The following ELFN2 variants were observed in gnomAD, a reference collection of about 807,000 sequenced individuals.
ELFN2 encodes the protein extracellular leucine rich repeat and fibronectin type III domain containing 2, also known as protein phosphatase 1 regulatory subunit 29.
Under a neutral mutation model 45.5 loss-of-function variants are expected in ELFN2, and 17 were observed. That is an observed-to-expected ratio of 0.37 (90% CI 0.26 to 0.56). ELFN2 has a LOEUF of 0.56. Ranked by LOEUF, ELFN2 falls within the 20% of genes least tolerant of loss-of-function variation. The pLI is 0.77. For synonymous variants in ELFN2, 550 were observed against 551.5 expected (o/e 1.00, Z 0.04); for missense variants, 922 against 1,183.2 (o/e 0.78, Z 3.24).
chr22:37,395,162 A>C (rs1932182717), intron 2 of ELFN2, among the ~76,000 whole-genome samples: 2 of 151,550 alleles, frequency 1.3e-5, no homozygotes, highest in Admixed American at 6.6e-5. Flanking sequence ...TTGTTGGATT[A>C]ATTTCTCAGA....
At chr22:37,385,266 C>T (rs574466331) in intron 2 of ELFN2, 2 of 152,256 alleles carry the variant, frequency 1.3e-5, no homozygotes, top group Non-Finnish European at 2.9e-5. Context: ...CTTTAAACAT[C>T]TTAAAAGCAC....
chr22:37,381,563 C>G (rs1354770684), intron 2 of ELFN2, among the ~76,000 whole-genome samples: 5 of 151,964 alleles, frequency 3.3e-5, no homozygotes, highest in African/African-American at 9.7e-5. Flanking sequence ...TCTAGCCCCC[C>G]AGTCTGAGAT....
intron 2 of ELFN2, among the ~76,000 whole-genome samples, chr22:37,407,041 C>A (rs148542205): frequency 1.4e-3 from 206 of 152,340 alleles, no homozygotes; most frequent in Non-Finnish European, 1.8e-3. Context: ...GACAGATGGA[C>A]AATTTGAAGC....
chr22:37,346,983 TA>T (rs200097258), intron 1 of ELFN2, among the ~76,000 whole-genome samples: 14 of 117,092 alleles, frequency 1.2e-4, no homozygotes, highest in African/African-American at 4.2e-4. Context: ...TCTTCATTAT[TA>T]TTTTTTTTTT....
chr22:37,419,267 A>G lies in ELFN2; in HGVS notation c.-613-1348T>C, dbSNP rs1932790745. Among the ~76,000 whole-genome samples, 3 of 151,740 alleles carry G rather than the reference A, an allele frequency of 2.0e-5. No homozygotes were observed. In the South Asian group the frequency reaches 6.2e-4, roughly 32 times the overall value. On this transcript the variant is annotated intron_variant, in intron 1 of 2. Coordinates refer to ENST00000402918, the MANE Select transcript of ELFN2 (RefSeq NM_052906.5). Reference sequence around the variant, plus strand: ...GGCTCCCAGGCCTAGCTGGGAGCACACAATTGACCCTCAGCCCCTCAGCCA... The same window carrying G: ...GGCTCCCAGGCCTAGCTGGGAGCACGCAATTGACCCTCAGCCCCTCAGCCA...
intron 1 of ELFN2, among the ~76,000 whole-genome samples, chr22:37,349,357 G>T (rs975034012): frequency 1.3e-5 from 2 of 151,160 alleles, no homozygotes; most frequent in East Asian, 1.9e-4. Flanking sequence ...CCAGCCCTGG[G>T]GATCCACGGT....
chr22:37,390,499 C>T (rs1298467365), intron 2 of ELFN2, among the ~76,000 whole-genome samples: 1 of 152,242 alleles, frequency 6.6e-6, no homozygotes, highest in African/African-American at 2.4e-5. Flanking sequence ...CCAGCGTGAG[C>T]CCCAGAGCTG....
downstream of ELFN2, among the ~76,000 whole-genome samples, chr22:37,365,053 G>A (rs1931173285): frequency 6.6e-6 from 1 of 152,208 alleles, no homozygotes; most frequent in African/African-American, 2.4e-5. Flanking sequence ...TGAGCCCAGA[G>A]GAGAGAACCA....
intron 1 of ELFN2, among the ~76,000 whole-genome samples, chr22:37,419,323 C>G (rs1932791244): frequency 6.6e-6 from 1 of 151,852 alleles, no homozygotes; most frequent in African/African-American, 2.4e-5. Flanking sequence ...CAGAGGCACA[C>G]ACTATACCCT....
At chr22:37,379,759 C>A (rs1931695600) in intron 2 of ELFN2, among the ~76,000 whole-genome samples, 1 of 152,144 alleles carries the variant, frequency 6.6e-6, no homozygotes, top group South Asian at 2.1e-4. Context: ...CTGGGCAGGA[C>A]CACAGACCCC....
At chr22:37,389,665 G>A (rs1233764686) in intron 2 of ELFN2, among the ~76,000 whole-genome samples, 1 of 152,114 alleles carries the variant, frequency 6.6e-6, no homozygotes, top group Non-Finnish European at 1.5e-5. Context: ...TGATGCACTT[G>A]AACCCGGGTC....
Position 37,374,085 on chromosome 22 carries a change from C to T in ELFN2, c.1450G>A (p.Ala484Thr), listed in dbSNP as rs140163106. ...PSMIGEKLPT[A>T]KGLEAGLDTP... Reference sequence around the variant, plus strand: ...TCCAGCCCGGCCTCCAACCCCTTGGCGGTGGGCAGCTTCTCCCCGATCATG... The same window carrying T: ...TCCAGCCCGGCCTCCAACCCCTTGGTGGTGGGCAGCTTCTCCCCGATCATG... The change falls in exon 3 of 3, where the codon GCC (alanine) becomes ACC (threonine). Residue 484 changes from alanine to threonine, a missense_variant. By Grantham distance (58) the Ala-to-Thr change is moderately conservative. This residue lies in a region of ELFN2 where 564 missense variants were observed against 642.8 expected (regional missense o/e 0.88). Coordinates refer to ENST00000402918, the MANE Select transcript of ELFN2 (RefSeq NM_052906.5). 2.9e-5 allele frequency: 46 copies of T among 1,612,964 alleles called. No homozygotes were observed. The highest frequency in any genetic ancestry group is 1.6e-4 in the Middle Eastern group (1 of 6,084).
In ELFN2 at chr22:37,373,952, T is replaced by C. The variant is rs757596776; in HGVS notation, c.1583A>G (p.Gln528Arg). Reference protein sequence around the residue: ...EDDLPDLENGQGSAAEISTIA... With the variant: ...EDDLPDLENGRGSAAEISTIA... ...GGTGGAGATCTCTGCAGCCGAGCCC[T>C]GGCCGTTCTCGAGGTCCGGGAGGTC... Residue 528 changes from glutamine (Q) to arginine (R), a missense_variant, in exon 3 of 3, where the codon CAG (glutamine) becomes CGG (arginine). Gln to Arg is a conservative substitution (Grantham distance 43, BLOSUM62 1). Around this residue, in one of 2 missense-constraint regions of ELFN2, gnomAD observed 564 missense variants for 642.8 expected, o/e 0.88. Coordinates refer to ENST00000402918, the MANE Select transcript of ELFN2 (RefSeq NM_052906.5). 6.2e-6 allele frequency: 10 copies of C among 1,613,006 alleles called. No homozygotes were observed. Among genetic ancestry groups the C allele is most frequent in the Non-Finnish European group, 8.5e-6 (10 of 1,179,916 alleles).
intron 2 of ELFN2, among the ~76,000 whole-genome samples, chr22:37,408,235 GC>G (rs1175908730): frequency 6.6e-6 from 1 of 152,216 alleles, no homozygotes; most frequent in Non-Finnish European, 1.5e-5. Context: ...ACAGGTATGT[GC>G]CTGATGATGA....
chr22:37,405,716 G>C (rs918395044), intron 2 of ELFN2, among the ~76,000 whole-genome samples: 3 of 152,038 alleles, frequency 2.0e-5, no homozygotes, highest in Admixed American at 6.5e-5. Flanking sequence ...GCCTGAGACA[G>C]GGCTGCATGA....
intron 2 of ELFN2, among the ~76,000 whole-genome samples, chr22:37,403,611 G>A (rs1267229880): frequency 1.3e-5 from 2 of 152,140 alleles, no homozygotes; most frequent in Non-Finnish European, 2.9e-5. Flanking sequence ...GTCTAGCGAG[G>A]GGCTGACATT....
At chr22:37,414,665 G>C (rs1368259298) in intron 2 of ELFN2, among the ~76,000 whole-genome samples, 1 of 152,088 alleles carries the variant, frequency 6.6e-6, no homozygotes, top group East Asian at 1.9e-4. Flanking sequence ...GAAAACTGAG[G>C]TTCCCAAGAT....
At chr22:37,389,045 G>C (rs1275826705) in intron 2 of ELFN2, among the ~76,000 whole-genome samples, 1 of 152,190 alleles carries the variant, frequency 6.6e-6, no homozygotes, top group Non-Finnish European at 1.5e-5. Flanking sequence ...TTGGGCAAGA[G>C]CTTCCTCTCA....
intron 2 of ELFN2, among the ~76,000 whole-genome samples, chr22:37,389,603 A>G (rs150822293): frequency 1.4e-4 from 22 of 151,814 alleles, no homozygotes; most frequent in African/African-American, 5.1e-4. Flanking sequence ...CATCTCCCCC[A>G]TTTTACAAGT....
Sources: gnomAD v4.1 joint callset for allele counts (sites outside exome capture counted in the v4.1 genomes callset) on GRCh38, gnomAD v4.1.1 for gene constraint, gnomAD v4.1.1 regional missense constraint, MANE v1.5 for transcripts, NCBI Gene and HGNC (gene_info 2026-07-23, HGNC 2026-07-21) for gene names.